Variants in REPS2 observed in about 807,000 individuals in gnomAD.
REPS2 encodes the protein ralBP1-associated Eps domain-containing protein 2.
Under a neutral mutation model 53.6 loss-of-function variants are expected in REPS2, and 23 were observed. The observed-to-expected ratio is 0.43, with a 90% CI of 0.31 to 0.61. REPS2 has a LOEUF of 0.61. Ranked by LOEUF, REPS2 falls within the 20% of genes least tolerant of loss-of-function variation. The pLI, the probability that REPS2 is intolerant of heterozygous loss-of-function variation, is 0.11. For synonymous variants in REPS2, 238 were observed against 218.6 expected (o/e 1.09, Z -0.78); for missense variants, 446 against 534.9 (o/e 0.83, Z 1.64).
chrX:16,955,532 G>A lies in REPS2; in HGVS notation c.273+8398G>A, dbSNP rs942028022. On this transcript the variant is annotated intron_variant, in intron 1 of 17. Coordinates refer to ENST00000357277, the MANE Select transcript of REPS2 (RefSeq NM_004726.3). ...GTGTCTGGAGCTTGGAGTCCTCTGT[G>A]GAGGTCCAACACTTGGTTGCAGAAT... 2.7e-5 allele frequency among the ~76,000 whole-genome samples: 3 copies of A among 111,616 alleles called. No individual in the cohort carries two copies. In the South Asian group the frequency reaches 1.1e-3, roughly 42 times the overall value.
At chrX:17,030,955 C>G (rs2061701665) in intron 5 of REPS2, among the ~76,000 whole-genome samples, 1 of 112,214 alleles carries the variant, frequency 8.9e-6, no homozygotes, top group Non-Finnish European at 1.9e-5. Flanking sequence ...TGAAAAATCC[C>G]TTATTGATAC....
At chrX:17,002,774 C>T (rs187416799) in intron 1 of REPS2, among the ~76,000 whole-genome samples, 5 of 111,952 alleles carry the variant, frequency 4.5e-5, no homozygotes, top group African/African-American at 1.3e-4. Flanking sequence ...GAGGTATTCT[C>T]CTGGGCTATG....
At chrX:17,102,789 C>T (rs2062826074) in intron 13 of REPS2, among the ~76,000 whole-genome samples, 1 of 112,441 alleles carries the variant, frequency 8.9e-6, no homozygotes, top group South Asian at 3.6e-4. Context: ...TGGTACATTG[C>T]TCTGATTTAT....
At chrX:17,117,706 G>T (rs1291310751) in intron 14 of REPS2, among the ~76,000 whole-genome samples, 1 of 109,278 alleles carries the variant, frequency 9.2e-6, no homozygotes, top group African/African-American at 3.4e-5. Flanking sequence ...CCAAGTCTTT[G>T]CTATTGTGAA....
chrX:17,043,395 G>A (rs914097731), intron 5 of REPS2, among the ~76,000 whole-genome samples: 7 of 111,231 alleles, frequency 6.3e-5, no homozygotes, highest in African/African-American at 2.3e-4. Flanking sequence ...GTCTGTAGGG[G>A]TGGGAGTTCT....
intron 3 of REPS2, 45 bp from the exon 4 acceptor site, chrX:17,025,014 C>T (rs1569133258): frequency 2.5e-6 from 3 of 1,211,075 alleles, no homozygotes; most frequent in Non-Finnish European, 3.4e-6. Context: ...CTCAGAACGC[C>T]AGGCTTGAGT....
intron 13 of REPS2, among the ~76,000 whole-genome samples, chrX:17,087,546 G>A (rs765871712): frequency 1.2e-4 from 13 of 112,324 alleles, no homozygotes; most frequent in Middle Eastern, 4.6e-3. Context: ...TGTGGCATAA[G>A]CAAGGAACTT....
At chrX:17,190,775 G>T in the REPS2 span, among the ~76,000 whole-genome samples, 1 of 112,244 alleles carries the variant, frequency 8.9e-6, no homozygotes, top group African/African-American at 3.2e-5. Flanking sequence ...CAGAAACATA[G>T]ATCAATGAGA....
rs750891853 is a variant in REPS2, at chrX:16,964,652, C to T, written c.273+17518C>T. 3.9e-3 allele frequency among the ~76,000 whole-genome samples: 381 copies of T among 97,437 alleles called. 2 individuals are homozygous for T. The highest frequency in any genetic ancestry group is 0.013 in the African/African-American group (349 of 26,089). The allele number at this position is 97,437 out of a possible 115,157, so 84.6% of individuals were successfully genotyped here. On this transcript the variant is annotated intron_variant, in intron 1 of 17. Transcript: ENST00000357277. ...CTCCCGGACGGGGCGGCTGGCCGGA[C>T]GGGGGGCTGACCCCCCCCACCTCCC...
the REPS2 span, among the ~76,000 whole-genome samples, chrX:17,189,807 G>C: frequency 9.0e-6 from 1 of 110,564 alleles, no homozygotes; most frequent in Admixed American, 9.6e-5. Flanking sequence ...GCATTTCCTT[G>C]TCCCCTCCTT....
intron 9 of REPS2, among the ~76,000 whole-genome samples, chrX:17,064,866 T>C (rs2062205098): frequency 8.9e-6 from 1 of 112,460 alleles, no homozygotes; most frequent in Admixed American, 9.4e-5. Context: ...TTCATATAAA[T>C]GGAAGCATAT....
At chrX:17,035,358 A>T (rs1211093648) in intron 5 of REPS2, among the ~76,000 whole-genome samples, 1 of 108,398 alleles carries the variant, frequency 9.2e-6, no homozygotes, top group East Asian at 2.9e-4. Context: ...ATGGTTTGGG[A>T]TGGGATTGAG....
At chrX:17,165,638 T>A in the REPS2 span, among the ~76,000 whole-genome samples, 3 of 111,588 alleles carry the variant, frequency 2.7e-5, no homozygotes, top group African/African-American at 9.8e-5. Context: ...TGAAAATTAC[T>A]TGGAACGTGC....
At chrX:16,947,853 G>C (rs1175736434) in intron 1 of REPS2, among the ~76,000 whole-genome samples, 4 of 111,403 alleles carry the variant, frequency 3.6e-5, no homozygotes, top group Non-Finnish European at 7.5e-5. Context: ...AAATAGAATT[G>C]AAAGGTAAGG....
intron 14 of REPS2, among the ~76,000 whole-genome samples, chrX:17,118,271 T>C (rs2063091372): frequency 9.0e-6 from 1 of 111,528 alleles, no homozygotes; most frequent in South Asian, 3.8e-4. Flanking sequence ...TTCCTGACTT[T>C]TTAATGATTC....
chrX:17,146,894 G>A (rs975429100), intron 17 of REPS2, among the ~76,000 whole-genome samples: 1 of 111,912 alleles, frequency 8.9e-6, no homozygotes, highest in Non-Finnish European at 1.9e-5. Flanking sequence ...TCACCCAGAT[G>A]TTGTACCTTA....
intron 5 of REPS2, among the ~76,000 whole-genome samples, chrX:17,031,068 TAGTA>T (rs1345117390): frequency 8.9e-6 from 1 of 112,542 alleles, no homozygotes; most frequent in Non-Finnish European, 1.9e-5. Flanking sequence ...GCTCCAGATG[TAGTA>T]GTTGGCTGTG....
chrX:17,196,218 T>A, the REPS2 span, among the ~76,000 whole-genome samples: 3 of 111,837 alleles, frequency 2.7e-5, no homozygotes, highest in African/African-American at 6.5e-5. Flanking sequence ...CTAGATTTTT[T>A]AAAAACCCTT....
intron 17 of REPS2, among the ~76,000 whole-genome samples, chrX:17,143,818 CAT>C (rs1053990467): frequency 2.0e-4 from 22 of 111,108 alleles, no homozygotes; most frequent in African/African-American, 5.9e-4. Context: ...TTCTGGGAAA[CAT>C]GTGCAGAACT....
Sources: allele counts gnomAD v4.1 joint callset (sites outside exome capture counted in the v4.1 genomes callset), GRCh38; gene constraint gnomAD v4.1.1; transcripts MANE v1.5; gene names NCBI Gene and HGNC (gene_info 2026-07-23, HGNC 2026-07-21).